NGEF: variants seen among roughly 807,000 people sequenced by gnomAD.
The protein encoded by NGEF is neuronal guanine nucleotide exchange factor, also known as ephexin-1.
In NGEF, 31 loss-of-function variants were observed where a neutral mutation model predicts 80.9. The observed-to-expected ratio is 0.38, with a 90% CI of 0.29 to 0.52. NGEF has a LOEUF of 0.52. NGEF is among the 20% of genes least tolerant of loss of function. NGEF has a pLI of 0.84. For synonymous variants in NGEF, 371 were observed against 370.2 expected, an observed-to-expected ratio of 1.00 and a Z score of -0.03; for missense variants, 709 against 926.2, an observed-to-expected ratio of 0.77 and a Z score of 3.04.
In NGEF at chr2:232,893,226, CA is replaced by C. The variant is rs1574994191; in HGVS notation, c.990-177del. Among the ~76,000 whole-genome samples, 4 of 152,186 alleles carry C rather than the reference CA, an allele frequency of 2.6e-5. No homozygotes were observed. The East Asian group carries it at 7.7e-4, about 29-fold the overall frequency. ...ACCGAGCACTGGTGGTGTATTTGGT[CA>C]TCTTGAAGAATGACTGTGTTTTCAC... On this transcript the variant is annotated intron_variant, in intron 6 of 14. Coordinates refer to ENST00000264051, the MANE Select transcript of NGEF (RefSeq NM_019850.3).
At chr2:232,894,950 A>C in intron 5 of NGEF, 34 bp from the exon 6 acceptor site, 1 of 1,531,938 alleles carries the variant, frequency 6.5e-7, no homozygotes, top group Non-Finnish European at 8.9e-7. Flanking sequence ...TACCGCCTGA[A>C]GTTGGCCTTC....
chr2:232,985,494 T>G (rs1694513819), intron 1 of NGEF, among the ~76,000 whole-genome samples: 1 of 152,128 alleles, frequency 6.6e-6, no homozygotes, highest in Non-Finnish European at 1.5e-5. Flanking sequence ...GGCTCACACC[T>G]GTAATTCCAG....
intron 1 of NGEF, among the ~76,000 whole-genome samples, chr2:233,009,083 C>T (rs369005628): frequency 5.3e-5 from 8 of 152,298 alleles, no homozygotes; most frequent in African/African-American, 1.4e-4. Flanking sequence ...AGGTGTGAGC[C>T]ACCACACCCG....
Position 232,890,885 on chromosome 2 carries a change from C to T in NGEF, c.1272+473G>A, listed in dbSNP as rs774676523. The T allele has an allele frequency of 2.9e-4, 136 of 471,074 alleles. 2 individuals carry two copies. Among genetic ancestry groups the T allele is most frequent in the South Asian group, 9.9e-4 (64 of 64,554 alleles). The allele number at this position is 471,074 out of a possible 1,614,324, so 29.2% of individuals were successfully genotyped here. A position where few individuals can be genotyped will look rare whatever the true frequency, so the allele number is the denominator to read the frequency against. ...CTGTCCCCATCTCCACACCCACTCC[C>T]GTCCCCGTCATGTTCCCGAGATCGC... On this transcript the variant is annotated intron_variant, in intron 8 of 14. Transcript: ENST00000264051.
rs1322957767 is a variant in NGEF at position 232,920,566 on chromosome 2, G to A, written c.546C>T (p.Tyr182=). ...TTTCTTGGAGAGTCGATTTATCTCG[G>A]TATTCCTGATACAGGAGCCCTGAAA... is the stretch of plus-strand genomic sequence containing the variant. ...IEQIGLLYQE[Y]RDKSTLQEIE... The change falls in exon 5 of 15, where the codon TAC becomes TAT. Residue 182 remains tyrosine (Y), a synonymous_variant. Coordinates refer to ENST00000264051, the MANE Select transcript of NGEF (RefSeq NM_019850.3). 5.2e-6 allele frequency: 8 copies of A among 1,526,244 alleles called. No homozygotes were observed. In the Admixed American group the frequency reaches 1.5e-4, roughly 28 times the overall value. 94.5% of individuals were successfully genotyped at this position (1,526,244 alleles called of 1,614,324 possible).
At chr2:232,933,952 C>T (rs1693271852) in intron 3 of NGEF, among the ~76,000 whole-genome samples, 1 of 152,138 alleles carries the variant, frequency 6.6e-6, no homozygotes, top group Non-Finnish European at 1.5e-5. Flanking sequence ...CAGACAAAAA[C>T]CCTTTATGAG....
At chr2:232,927,212 G>T in intron 3 of NGEF, 26 bp from the exon 4 acceptor site, 1 of 1,535,968 alleles carries the variant, frequency 6.5e-7, no homozygotes, top group Non-Finnish European at 8.7e-7. Context: ...GAGGACAGGG[G>T]CTGGTTATTT....
intron 2 of NGEF, among the ~76,000 whole-genome samples, chr2:232,971,303 A>G (rs566603574): frequency 1.3e-5 from 2 of 152,146 alleles, no homozygotes; most frequent in East Asian, 3.9e-4. Flanking sequence ...CAAGCACGAC[A>G]TTTTCTCCTT....
At chr2:232,907,623 A>G (rs1033313980) in intron 5 of NGEF, among the ~76,000 whole-genome samples, 1 of 152,158 alleles carries the variant, frequency 6.6e-6, no homozygotes, top group Non-Finnish European at 1.5e-5. Flanking sequence ...CAGTTAGGTC[A>G]GCCTCATTTA....
At chr2:232,907,570 G>A (rs375294639) in intron 5 of NGEF, among the ~76,000 whole-genome samples, 1 of 152,260 alleles carries the variant, frequency 6.6e-6, no homozygotes, top group East Asian at 1.9e-4. Context: ...TGAAGCCTGC[G>A]TGCTCACATT....
intron 5 of NGEF, among the ~76,000 whole-genome samples, chr2:232,902,229 C>T (rs1692377737): frequency 6.6e-6 from 1 of 152,218 alleles, no homozygotes; most frequent in Admixed American, 6.5e-5. Context: ...CTGCAGGCAT[C>T]AGGATGCACG....
In NGEF at chr2:232,995,272, C is replaced by CTGTATA. The variant is rs796285460; in HGVS notation, c.-75+17795_-75+17796insTATACA. On this transcript the variant is annotated intron_variant, in intron 1 of 14. Transcript: ENST00000264051. ...ACTGTATATGTGTACAGTATGTATG[C>CTGTATA]TGTGTACAGTATGTATACTGTATAT... 3.2e-3 allele frequency among the ~76,000 whole-genome samples: 26 copies of CTGTATA among 8,240 alleles called. 7 individuals carry two copies. Among genetic ancestry groups the CTGTATA allele is most frequent in the African/African-American group, 0.021 (23 of 1,086 alleles). The allele number at this position is 8,240 out of a possible 152,430, so 5.4% of individuals were successfully genotyped here. A position where few individuals can be genotyped will look rare whatever the true frequency, so the allele number is the denominator to read the frequency against.
At chr2:232,927,904 G>T in intron 3 of NGEF, 2 of 1,314,528 alleles carry the variant, frequency 1.5e-6, no homozygotes, top group Non-Finnish European at 1.9e-6. Flanking sequence ...TGCCGGGCAG[G>T]TGTCCCGCCG....
intron 1 of NGEF, among the ~76,000 whole-genome samples, chr2:233,002,082 T>C (rs1694990919): frequency 6.6e-6 from 1 of 152,160 alleles, no homozygotes; most frequent in South Asian, 2.1e-4. Flanking sequence ...TTTTTTCCAT[T>C]CGTCTCTCAT....
At position 232,953,301 on chromosome 2, in the gene NGEF, C is replaced by CAAAAA. The variant is rs57652494; in HGVS notation, c.383+16908_383+16912dup. Among the ~76,000 whole-genome samples the CAAAAA allele has an allele frequency of 2.7e-3, 249 of 91,176 alleles. 2 individuals are homozygous for CAAAAA. Among genetic ancestry groups the CAAAAA allele is most frequent in the African/African-American group, 8.2e-3 (188 of 22,918 alleles). 59.8% of individuals were successfully genotyped at this position (91,176 alleles called of 152,430 possible). A position where few individuals can be genotyped will look rare whatever the true frequency, so the allele number is the denominator to read the frequency against. ...TGGGTTACAGAGCGAGACTCTGTGT[C>CAAAAA]AAAAAAAAAAAAAAAAAAAGAAAAA... On this transcript the variant is annotated intron_variant, in intron 3 of 14. Transcript: ENST00000264051.
At chr2:232,933,767 C>T (rs949261263) in intron 3 of NGEF, among the ~76,000 whole-genome samples, 7 of 152,230 alleles carry the variant, frequency 4.6e-5, no homozygotes, top group African/African-American at 9.6e-5. Flanking sequence ...CTCCTAATGA[C>T]GCCCTTGCCC....
chr2:232,911,698 T>G (rs1692694461), intron 5 of NGEF, among the ~76,000 whole-genome samples: 1 of 152,236 alleles, frequency 6.6e-6, no homozygotes, highest in Admixed American at 6.5e-5. Context: ...GATTTGTGGT[T>G]TTCAGCACAG....
intron 10 of NGEF, chr2:232,885,016 C>G (rs1349984413): frequency 4.2e-6 from 2 of 472,304 alleles, no homozygotes; most frequent in Non-Finnish European, 7.6e-6. Flanking sequence ...AGAGCAGGGT[C>G]CACACCCTGC....
At chr2:232,955,337 G>A (rs1431502694) in intron 3 of NGEF, among the ~76,000 whole-genome samples, 1 of 152,072 alleles carries the variant, frequency 6.6e-6, no homozygotes, top group African/African-American at 2.4e-5. Flanking sequence ...TCAAAACCAG[G>A]AAGTCAGCTT....
Sources: gnomAD v4.1 joint callset for allele counts (sites outside exome capture counted in the v4.1 genomes callset) on GRCh38, gnomAD v4.1.1 for gene constraint, MANE v1.5 for transcripts, NCBI Gene and HGNC (gene_info 2026-07-23, HGNC 2026-07-21) for gene names.